Variants in TAFA2 observed in about 807,000 individuals in gnomAD.
The protein encoded by TAFA2 is TAFA chemokine like family member 2, also known as chemokine-like protein TAFA-2.
In TAFA2, 7 loss-of-function variants were observed where a neutral mutation model predicts 18.8. That is an observed-to-expected ratio of 0.37 (90% confidence interval 0.21 to 0.70). TAFA2 has a LOEUF of 0.70. Among genes scored for constraint, TAFA2 ranks in the 30% least tolerant of loss-of-function variants. TAFA2 has a pLI of 0.53. For missense variants in TAFA2, 122 were observed against 158.1 expected (o/e 0.77, Z 1.23); for synonymous variants, 60 against 54.2 (o/e 1.11, Z -0.47).
At chr12:62,235,451 G>C in intron 1 of TAFA2, 1 of 618,316 alleles carries the variant, frequency 1.6e-6, no homozygotes, top group East Asian at 2.9e-5. Flanking sequence ...AGCCTGGTGC[G>C]CCGCCTGCCA....
intron 1 of TAFA2, among the ~76,000 whole-genome samples, chr12:61,896,830 T>C (rs374658182): frequency 2.6e-5 from 4 of 152,164 alleles, no homozygotes; most frequent in African/African-American, 9.6e-5. Flanking sequence ...TAAAAACAGA[T>C]GTAACTGCTT....
At chr12:62,215,249 A>G (rs2062729539) in intron 1 of TAFA2, among the ~76,000 whole-genome samples, 1 of 152,202 alleles carries the variant, frequency 6.6e-6, no homozygotes, top group South Asian at 2.1e-4. Context: ...CAAATTGTTT[A>G]TTAATTGAAT....
At chr12:62,246,978 A>C (rs1361089230) in intron 1 of TAFA2, among the ~76,000 whole-genome samples, 1 of 152,074 alleles carries the variant, frequency 6.6e-6, no homozygotes, top group African/African-American at 2.4e-5. Flanking sequence ...AAGTCAAATT[A>C]ATCTATTTAC....
rs1000283850 is a variant in TAFA2 at position 61,972,813 on chromosome 12, T to C, written c.-1-105387A>G. ...GGAAAAGAAGCATACAAAAGATATCTCAGGAAAAGTGAGAGGTAACATCAA... is the reference window on the plus strand; with the variant it reads ...GGAAAAGAAGCATACAAAAGATATCCCAGGAAAAGTGAGAGGTAACATCAA... On this transcript the variant is annotated intron_variant, in intron 1 of 4. Transcript: ENST00000416284. Among the ~76,000 whole-genome samples, 7 of 151,504 alleles carry C rather than the reference T, an allele frequency of 4.6e-5. No homozygotes were observed. The East Asian group carries it at 1.4e-3, about 29-fold the overall frequency.
At chr12:62,127,883 C>A (rs1870529474) in intron 1 of TAFA2, among the ~76,000 whole-genome samples, 1 of 151,918 alleles carries the variant, frequency 6.6e-6, no homozygotes, top group Admixed American at 6.6e-5. Flanking sequence ...AGTAAGTACT[C>A]AATTAAATGT....
chr12:62,209,143 T>A (rs555003296), intron 1 of TAFA2, among the ~76,000 whole-genome samples: 6 of 152,310 alleles, frequency 3.9e-5, no homozygotes, highest in Admixed American at 3.3e-4. Flanking sequence ...CAGTTAGGCT[T>A]TGTGTCCCTA....
At chr12:61,896,498 T>A (rs984718618) in intron 1 of TAFA2, among the ~76,000 whole-genome samples, 1 of 152,200 alleles carries the variant, frequency 6.6e-6, no homozygotes, top group African/African-American at 2.4e-5. Flanking sequence ...CATGTTCACA[T>A]CATTGTTCCT....
At chr12:62,046,531 T>A (rs1360345648) in intron 1 of TAFA2, among the ~76,000 whole-genome samples, 1 of 152,144 alleles carries the variant, frequency 6.6e-6, no homozygotes, top group East Asian at 1.9e-4. Context: ...TATTTTTAAA[T>A]GAAGCTTTAA....
chr12:62,104,073 A>T (rs148495454), intron 1 of TAFA2, among the ~76,000 whole-genome samples: 168 of 152,342 alleles, frequency 1.1e-3, no homozygotes, highest in Non-Finnish European at 1.4e-3. Context: ...AACATTTTGC[A>T]GAATCCTACA....
rs150297303 is a variant in TAFA2, at chr12:62,128,654, TG to T, written c.-2+62604del. 8.5e-3 allele frequency among the ~76,000 whole-genome samples: 1,288 copies of T among 152,198 alleles called. 7 individuals carry two copies. Among genetic ancestry groups the T allele is most frequent in the Non-Finnish European group, 0.015 (1,000 of 67,980 alleles). On this transcript the variant is annotated intron_variant, in intron 1 of 4. Coordinates refer to ENST00000416284, the MANE Select transcript of TAFA2 (RefSeq NM_178539.5). ...CATCTCTTTCCATAGCTGTGCAGGA[TG>T]GCAAGGACTATTCATAATTCATGTT...
chr12:62,073,575 T>G (rs1882689291), intron 1 of TAFA2, among the ~76,000 whole-genome samples: 1 of 151,976 alleles, frequency 6.6e-6, no homozygotes, highest in Non-Finnish European at 1.5e-5. Context: ...ATCTATATAT[T>G]ATAGATAAGA....
intron 1 of TAFA2, among the ~76,000 whole-genome samples, chr12:62,132,980 A>G (rs1237166971): frequency 6.6e-6 from 1 of 152,010 alleles, no homozygotes; most frequent in East Asian, 1.9e-4. Flanking sequence ...TCAATACAAT[A>G]TTGTCCAGAA....
chr12:62,141,815 G>A (rs1565758151), intron 1 of TAFA2, among the ~76,000 whole-genome samples: 1 of 152,094 alleles, frequency 6.6e-6, no homozygotes, highest in Non-Finnish European at 1.5e-5. Context: ...AAGACTCCTA[G>A]GCAAGCCCCA....
At chr12:61,909,471 G>A (rs568863926) in intron 1 of TAFA2, among the ~76,000 whole-genome samples, 1 of 152,290 alleles carries the variant, frequency 6.6e-6, no homozygotes, top group Non-Finnish European at 1.5e-5. Flanking sequence ...AAAGAGTATG[G>A]TGATAGCAGA....
chr12:61,987,494 C>T (rs1879858710), intron 1 of TAFA2, among the ~76,000 whole-genome samples: 1 of 152,176 alleles, frequency 6.6e-6, no homozygotes, highest in South Asian at 2.1e-4. Context: ...TTTGTGTTTT[C>T]CCTTATTTAA....
chr12:62,091,664 T>C lies in TAFA2; in HGVS notation c.-2+99595A>G, dbSNP rs1368733356. 2.0e-5 allele frequency among the ~76,000 whole-genome samples: 3 copies of C among 151,992 alleles called. No individual in the cohort carries two copies. In the East Asian group the frequency reaches 5.8e-4, roughly 30 times the overall value. ...AATTTGCCATTTTTATCATTACCCA[T>C]ACCTCCAATGCAATCATCTGAAGGT... On this transcript the variant is annotated intron_variant, in intron 1 of 4. Coordinates refer to ENST00000416284, the MANE Select transcript of TAFA2 (RefSeq NM_178539.5).
intron 1 of TAFA2, among the ~76,000 whole-genome samples, chr12:62,254,014 C>A (rs1367786865): frequency 6.6e-6 from 1 of 152,220 alleles, no homozygotes; most frequent in African/African-American, 2.4e-5. Context: ...CCTAAGAATA[C>A]CTTCACACAA....
rs146562798 is a variant in TAFA2 at position 62,032,387 on chromosome 12, T to C, written c.-2+158872A>G. On this transcript the variant is annotated intron_variant, in intron 1 of 4. Transcript: ENST00000416284. ...ATGCACATTAGGATGTAAACAAACT[T>C]TGCCAATATCTCTGACAAGAGTTCT... Among the ~76,000 whole-genome samples the C allele has an allele frequency of 3.3e-5, 5 of 152,272 alleles. No individual in the cohort carries two copies. In the East Asian group the frequency reaches 9.6e-4, roughly 29 times the overall value.
intron 1 of TAFA2, among the ~76,000 whole-genome samples, chr12:61,970,785 A>G (rs1022385413): frequency 3.3e-5 from 5 of 151,364 alleles, no homozygotes; most frequent in African/African-American, 9.7e-5. Flanking sequence ...ATGGACACCT[A>G]GACTAGAATG....
Sources: gnomAD v4.1 joint callset for allele counts (sites outside exome capture counted in the v4.1 genomes callset) on GRCh38, gnomAD v4.1.1 for gene constraint, MANE v1.5 for transcripts, NCBI Gene and HGNC (gene_info 2026-07-23, HGNC 2026-07-21) for gene names.